Variants in ACCSL observed in about 807,000 individuals in gnomAD.
The protein encoded by ACCSL is 1-aminocyclopropane-1-carboxylate synthase homolog (inactive) like.
In ACCSL, 55 loss-of-function variants were observed where a neutral mutation model predicts 61.7. That is an observed-to-expected ratio of 0.89 (90% CI 0.72 to 1.12). The LOEUF (loss-of-function observed/expected upper bound fraction) is 1.12. Ranked by LOEUF, ACCSL falls within the 50% of genes most tolerant of loss-of-function variation. ACCSL has a pLI of 0.00. For synonymous variants in ACCSL, 258 were observed against 264.3 expected (o/e 0.98, Z 0.23); for missense variants, 632 against 698.0 (o/e 0.91, Z 1.07).
At chr11:44,010,419 G>A in the ACCSL span, among the ~76,000 whole-genome samples, 8 of 152,202 alleles carry the variant, frequency 5.3e-5, no homozygotes, top group Non-Finnish European at 8.8e-5. Flanking sequence ...CTAGGTGCTG[G>A]AGATAGAGGG....
chr11:43,964,183 G>A, the ACCSL span, among the ~76,000 whole-genome samples: 2 of 152,166 alleles, frequency 1.3e-5, no homozygotes, highest in Non-Finnish European at 2.9e-5. Context: ...GGTGGCTCAT[G>A]CCTGTAATCC....
the ACCSL span, among the ~76,000 whole-genome samples, chr11:44,016,453 C>CTG: frequency 6.6e-6 from 1 of 152,180 alleles, no homozygotes; most frequent in Non-Finnish European, 1.5e-5. Flanking sequence ...TAGACTACAA[C>CTG]AGGATTGGAA....
chr11:43,936,885 C>A, the ACCSL span, among the ~76,000 whole-genome samples: 11 of 152,170 alleles, frequency 7.2e-5, 1 homozygote, highest in African/African-American at 1.9e-4. Context: ...TCCCCACCCC[C>A]CCCTCCTGCC....
the ACCSL span, chr11:43,925,560 C>A: frequency 4.8e-6 from 2 of 419,014 alleles, no homozygotes; most frequent in South Asian, 1.7e-5. Flanking sequence ...ACAAGACTGG[C>A]CCCGTTCGCT....
the ACCSL span, among the ~76,000 whole-genome samples, chr11:43,959,293 ATATCC>A: frequency 0.024 from 3,687 of 152,270 alleles, 45 homozygotes; most frequent in South Asian, 0.046. Context: ...GAACAGGGCC[ATATCC>A]ATGGCCTGAC....
the ACCSL span, among the ~76,000 whole-genome samples, chr11:43,989,215 C>A: frequency 6.6e-6 from 1 of 152,176 alleles, no homozygotes; most frequent in Non-Finnish European, 1.5e-5. Flanking sequence ...GGCCTTGGAC[C>A]AGTCACTTTA....
At chr11:43,998,595 G>A in the ACCSL span, among the ~76,000 whole-genome samples, 12 of 152,290 alleles carry the variant, frequency 7.9e-5, no homozygotes, top group South Asian at 1.5e-3. Flanking sequence ...GGTTCAGTGG[G>A]TTTGGCAAAG....
chr11:44,039,850 A>C, the ACCSL span, among the ~76,000 whole-genome samples: 2 of 152,184 alleles, frequency 1.3e-5, no homozygotes, highest in African/African-American at 4.8e-5. Flanking sequence ...AGAAAGCAGC[A>C]CAGCAGCTAG....
At chr11:43,996,706 T>G in the ACCSL span, among the ~76,000 whole-genome samples, 1 of 152,146 alleles carries the variant, frequency 6.6e-6, no homozygotes, top group African/African-American at 2.4e-5. Context: ...GCTTGGAACC[T>G]CATTCCAGAT....
At position 44,058,402 on chromosome 11, in the gene ACCSL, GGAGAT is replaced by G; in HGVS notation, c.1414_1418del (p.Glu472ProfsTer25). 6.2e-7 allele frequency: 1 copy of G among 1,614,162 alleles called. No individual in the cohort carries two copies. Among genetic ancestry groups the G allele is most frequent in the Non-Finnish European group, 8.5e-7 (1 of 1,180,026 alleles). The stretch of plus-strand genomic sequence containing the variant: ...ACATCACTGCTGAGCTGAAGGCATT[GGAGAT>G]CCCTTTTCACAACCGCAGCTCTGGC... On this transcript the variant is annotated frameshift_variant, in exon 12 of 14. Transcript: ENST00000378832. LOFTEE classifies it high-confidence loss of function.
chr11:43,942,671 G>A, the ACCSL span: 8 of 229,926 alleles, frequency 3.5e-5, no homozygotes, highest in Non-Finnish European at 1.7e-5. Flanking sequence ...GCGCCTCGGA[G>A]CGCGGCGGAA....
the ACCSL span, among the ~76,000 whole-genome samples, chr11:44,020,852 C>T: frequency 6.6e-6 from 1 of 152,018 alleles, no homozygotes; most frequent in East Asian, 1.9e-4. Flanking sequence ...TAGCTTAGCT[C>T]CCACTTACAA....
Position 44,048,290 on chromosome 11 carries a change from G to A in ACCSL, c.254G>A (p.Gly85Glu), listed in dbSNP as rs1952612871. 3 of 1,614,036 alleles carry A rather than the reference G, an allele frequency of 1.9e-6. No homozygotes were observed. Among genetic ancestry groups the A allele is most frequent in the Middle Eastern group, 1.6e-4 (1 of 6,062 alleles). Residue 85 changes from glycine (G) to glutamate (E), a missense_variant, in exon 1 of 14, where the codon GGG becomes GAG. Gly to Glu is a moderately conservative substitution (Grantham distance 98, BLOSUM62 -2). Transcript: ENST00000378832. ...CGGATGATCAACCTCCTACAGTCTGGGGCCGCGAGTGGCCTGGAGCTCCAA... is the reference window on the plus strand; with the variant it reads ...CGGATGATCAACCTCCTACAGTCTGAGGCCGCGAGTGGCCTGGAGCTCCAA... Reference protein sequence around the residue: ...ICRMINLLQSGAASGLELQVP... With the variant: ...ICRMINLLQSEAASGLELQVP...
chr11:43,943,436 C>T, the ACCSL span: 688 of 1,435,622 alleles, frequency 4.8e-4, no homozygotes, highest in Non-Finnish European at 6.1e-4. The surrounding 1 kb of genome is among the most constrained non-coding windows in gnomAD (Gnocchi z 4.8). Flanking sequence ...CCGGTCGGTG[C>T]GCCCCTCGCC....
At chr11:44,014,034 T>A in the ACCSL span, among the ~76,000 whole-genome samples, 1 of 152,214 alleles carries the variant, frequency 6.6e-6, no homozygotes, top group Admixed American at 6.5e-5. Flanking sequence ...CACAGCGCCT[T>A]CCTGAAGGGG....
the ACCSL span, among the ~76,000 whole-genome samples, chr11:43,953,085 C>T: frequency 9.2e-5 from 14 of 152,260 alleles, no homozygotes; most frequent in East Asian, 1.9e-4. Flanking sequence ...TGAACCAGAG[C>T]GACTCCATCT....
the ACCSL span, among the ~76,000 whole-genome samples, chr11:43,984,814 T>C: frequency 6.6e-6 from 1 of 152,186 alleles, no homozygotes; most frequent in Non-Finnish European, 1.5e-5. Context: ...AGAGGGGAAA[T>C]TGTTCTAAGG....
At chr11:44,013,862 G>C in the ACCSL span, among the ~76,000 whole-genome samples, 10 of 152,176 alleles carry the variant, frequency 6.6e-5, no homozygotes, top group African/African-American at 2.4e-4. Flanking sequence ...AGGCTTCGGG[G>C]TTGGTAACAG....
the ACCSL span, among the ~76,000 whole-genome samples, chr11:44,009,899 G>A: frequency 6.6e-6 from 1 of 152,200 alleles, no homozygotes; most frequent in Non-Finnish European, 1.5e-5. Flanking sequence ...CCAAGCCCCA[G>A]TCCTCTTCTT....
Sources: gnomAD v4.1 joint callset for allele counts (sites outside exome capture counted in the v4.1 genomes callset) on GRCh38, gnomAD v4.1.1 for gene constraint, Gnocchi (gnomAD v3.1) non-coding constraint, MANE v1.5 for transcripts, NCBI Gene and HGNC (gene_info 2026-07-23, HGNC 2026-07-21) for gene names.